Variants in ASAP3 observed in about 807,000 individuals in gnomAD.
ASAP3 encodes the protein arf-GAP with SH3 domain, ANK repeat and PH domain-containing protein 3.
A neutral mutation model predicts 118.2 loss-of-function variants in ASAP3; 85 were observed. That is an observed-to-expected ratio of 0.72 (90% confidence interval 0.60 to 0.86). The LOEUF is 0.86. ASAP3 is among the 40% of genes least tolerant of loss of function. The probability of loss-of-function intolerance (pLI) is 0.00; values close to 1 mark genes in which losing one functional copy is unlikely to be tolerated. For synonymous variants in ASAP3, 432 were observed against 477.4 expected, an observed-to-expected ratio of 0.90 and a Z score of 1.24; for missense variants, 1,026 against 1,175.0, an observed-to-expected ratio of 0.87 and a Z score of 1.85.
At chr1:23,435,496 G>A (rs769532610) in intron 17 of ASAP3, among the ~76,000 whole-genome samples, 5 of 152,216 alleles carry the variant, frequency 3.3e-5, no homozygotes, top group Non-Finnish European at 7.3e-5. Context: ...GGGCTATTTA[G>A]GTGAAAGAAA....
chr1:23,437,469 TTGTC>T lies in ASAP3; in HGVS notation c.1103-1_1105del. The T allele has an allele frequency of 1.2e-6, 2 of 1,614,056 alleles. No individual in the cohort carries two copies. ...CTCTGCCTGAAAGTGGTACGTCCGG[TTGTC>T]TGTCGGGAGAGAAGGGGGCTTCTGA... On this transcript the variant is annotated splice_acceptor_variant and coding_sequence_variant, in exon 13 of 25. Transcript: ENST00000336689. LOFTEE classifies it high-confidence loss of function. This position sits in a 1 kb window ranked among gnomAD's most constrained non-coding sequence, Gnocchi z 6.1.
chr1:23,467,387 C>T (rs989253471), intron 1 of ASAP3, among the ~76,000 whole-genome samples: 1 of 151,972 alleles, frequency 6.6e-6, no homozygotes, highest in African/African-American at 2.4e-5. Context: ...CATTATTAAT[C>T]GATCACAGTG....
intron 19 of ASAP3, among the ~76,000 whole-genome samples, 159 bp from the exon 20 acceptor site, chr1:23,433,852 C>G (rs1028338406): frequency 6.6e-6 from 1 of 152,124 alleles, no homozygotes; most frequent in African/African-American, 2.4e-5. Flanking sequence ...CCTTTTGGGA[C>G]AAAATTGTTT....
chr1:23,478,275 G>C, intron 1 of ASAP3, among the ~76,000 whole-genome samples: 1 of 152,142 alleles, frequency 6.6e-6, no homozygotes, highest in East Asian at 1.9e-4. Flanking sequence ...GACAAGCCTG[G>C]CCAACATGGC....
At position 23,436,174 on chromosome 1, in the gene ASAP3, C is replaced by G. The variant is rs1640646472; in HGVS notation, c.1572-146G>C. 3 of 882,592 alleles carry G rather than the reference C, an allele frequency of 3.4e-6. No individual in the cohort carries two copies. The South Asian group carries it at 5.2e-5, about 15-fold the overall frequency. 54.7% of individuals were successfully genotyped at this position (882,592 alleles called of 1,614,324 possible). On this transcript the variant is annotated intron_variant, in intron 16 of 24. Coordinates refer to ENST00000336689, the MANE Select transcript of ASAP3 (RefSeq NM_017707.4). The surrounding 1 kb of genome is among the most constrained non-coding windows in gnomAD (Gnocchi z 4.2). ...GATCTGAGGCTCCCCTCTCCCCAGG[C>G]TTTTTTTTTAGACAGTCTCACTCTA... is the stretch of plus-strand genomic sequence containing the variant.
At chr1:23,446,018 T>G (rs1295335919) in intron 5 of ASAP3, among the ~76,000 whole-genome samples, 1 of 151,520 alleles carries the variant, frequency 6.6e-6, no homozygotes. Flanking sequence ...TCTGTACATG[T>G]GATTGGCCCT....
chr1:23,455,756 T>G, intron 3 of ASAP3, 125 bp downstream of exon 3: 1 of 1,254,484 alleles, frequency 8.0e-7, no homozygotes, highest in Non-Finnish European at 1.1e-6. Context: ...GGACCTCAGG[T>G]CTGAACTCAG....
chr1:23,437,019 C>G lies in ASAP3; in HGVS notation c.1368G>C (p.Leu456=). 1 of 1,611,790 alleles carries G rather than the reference C, an allele frequency of 6.2e-7. No individual in the cohort carries two copies. The highest frequency in any genetic ancestry group is 8.5e-7 in the Non-Finnish European group (1 of 1,179,448). ...AGCACTGGATGCAGGTGAGCACGCCCAGGTTGGTGCTGAGCCACGTGGGGT... is the reference window on the plus strand; with the variant it reads ...AGCACTGGATGCAGGTGAGCACGCCGAGGTTGGTGCTGAGCCACGTGGGGT... ...AADPTWLSTN[L]GVLTCIQCSG... Residue 456 remains leucine (L), a synonymous_variant, in exon 15 of 25, where the codon CTG becomes CTC. Coordinates refer to ENST00000336689, the MANE Select transcript of ASAP3 (RefSeq NM_017707.4). This position sits in a 1 kb window ranked among gnomAD's most constrained non-coding sequence, Gnocchi z 6.1.
rs755069632 is a variant in ASAP3, at chr1:23,431,727, G to C, written c.2515C>G (p.Pro839Ala). The change falls in exon 23 of 25, where the codon CCT becomes GCT. Residue 839 changes from proline to alanine, a missense_variant. Pro to Ala is a conservative substitution (Grantham distance 27). Transcript: ENST00000336689. Reference sequence around the variant, plus strand: ...CTGACGGGGAGGTACATCTCCGAAGGGGTGGTCCCGGATGTCAGGCTGGGT... The same window carrying C: ...CTGACGGGGAGGTACATCTCCGAAGCGGTGGTCCCGGATGTCAGGCTGGGT... ...SRPSLTSGTTPSEMYLPVRFS... is the reference protein window; with the variant it reads ...SRPSLTSGTTASEMYLPVRFS... The C allele has an allele frequency of 3.9e-6, 6 of 1,522,144 alleles. No individual in the cohort carries two copies. Among genetic ancestry groups the C allele is most frequent in the Non-Finnish European group, 5.3e-6 (6 of 1,140,422 alleles). 94.3% of individuals were successfully genotyped at this position (1,522,144 alleles called of 1,614,324 possible).
upstream of ASAP3, chr1:23,484,224 C>A (rs906323594): frequency 1.1e-5 from 13 of 1,173,006 alleles, no homozygotes; most frequent in South Asian, 2.1e-4. Context: ...CCGGGGGCGC[C>A]GTCCCGGCCT....
At position 23,436,887 on chromosome 1, in the gene ASAP3, T is replaced by TAAC; in HGVS notation, c.1476+23_1476+24insGTT. ...CACCCCTAACTCCGCTTCTGGCCCC[T>TAAC]TCCAGGCCCCGCCCCGCCCTCACCA... On this transcript the variant is annotated intron_variant, in intron 15 of 24. Coordinates refer to ENST00000336689, the MANE Select transcript of ASAP3 (RefSeq NM_017707.4). The surrounding 1 kb of genome is among the most constrained non-coding windows in gnomAD (Gnocchi z 4.2). 6.3e-7 allele frequency: 1 copy of TAAC among 1,591,246 alleles called. No individual in the cohort carries two copies. Among genetic ancestry groups the TAAC allele is most frequent in the Admixed American group, 1.7e-5 (1 of 58,574 alleles).
Position 23,484,079 on chromosome 1 carries a change from T to A in ASAP3, c.55A>T (p.Ser19Cys). ...EFLAVTAEDL[S>C]SPAGAAAFAA... is the part of the protein sequence containing the mutation. ...AAGGCGGCGGCCCCAGCCGGGGAGC[T>A]GAGGTCCTCCGCGGTGACGGCCAGG... The change falls in exon 1 of 25, where the codon AGC becomes TGC. Residue 19 changes from serine to cysteine, a missense_variant. Coordinates refer to ENST00000336689, the MANE Select transcript of ASAP3 (RefSeq NM_017707.4). 7.4e-7 allele frequency: 1 copy of A among 1,350,572 alleles called. No homozygotes were observed. Among genetic ancestry groups the A allele is most frequent in the Non-Finnish European group, 9.5e-7 (1 of 1,052,874 alleles). The allele number at this position is 1,350,572 out of a possible 1,614,324, so 83.7% of individuals were successfully genotyped here.
At chr1:23,442,157 T>C (rs1322097626) in intron 7 of ASAP3, 29 bp downstream of exon 7, 1 of 1,574,848 alleles carries the variant, frequency 6.3e-7, no homozygotes, top group Non-Finnish European at 8.6e-7. Context: ...CTGGAAGGGT[T>C]AGTGGCAGGG....
intron 3 of ASAP3, 37 bp from the exon 4 acceptor site, chr1:23,452,808 G>A (rs1213339880): frequency 1.2e-6 from 2 of 1,600,842 alleles, no homozygotes; most frequent in Non-Finnish European, 1.7e-6. Flanking sequence ...CGCCTCAGGT[G>A]ACCGGCATCC....
rs771999248 is a variant in ASAP3 at position 23,455,993 on chromosome 1, G to A, written c.236C>T (p.Ala79Val). 3.1e-6 allele frequency: 5 copies of A among 1,614,124 alleles called. No individual in the cohort carries two copies. The East Asian group carries it at 6.7e-5, about 22-fold the overall frequency. Residue 79 changes from alanine (A) to valine (V), a missense_variant, in exon 3 of 25, where the codon GCC becomes GTC. Physicochemically the swap from Ala to Val is moderately conservative, Grantham distance 64. Transcript: ENST00000336689. ...HVENEEQYRE[A>V]VESLGNSHLS... The stretch of plus-strand genomic sequence containing the variant: ...GTGGCTGTTGCCTAAGGATTCCACG[G>A]CCTCTCGGTACTGCTCTTCATTCTC...
intron 1 of ASAP3, among the ~76,000 whole-genome samples, chr1:23,467,779 G>A (rs1641822675): frequency 6.6e-6 from 1 of 151,556 alleles, no homozygotes; most frequent in African/African-American, 2.4e-5. Flanking sequence ...GTGAAACTCC[G>A]TCTCTACTAA....
At position 23,436,761 on chromosome 1, in the gene ASAP3, G is replaced by T. The variant is rs536596252; in HGVS notation, c.1477-107C>A. 7.6e-7 allele frequency: 1 copy of T among 1,307,736 alleles called. No individual in the cohort carries two copies. The highest frequency in any genetic ancestry group is 1.1e-6 in the Non-Finnish European group (1 of 947,062). 81.0% of individuals were successfully genotyped at this position (1,307,736 alleles called of 1,614,324 possible). A position where few individuals can be genotyped will look rare whatever the true frequency, so the allele number is the denominator to read the frequency against. ...AGTCCCGCCCCTCGGCCGCCCTCCCGGTTCAGGCCCCGCCCCTGACCACCC... is the reference window on the plus strand; with the variant it reads ...AGTCCCGCCCCTCGGCCGCCCTCCCTGTTCAGGCCCCGCCCCTGACCACCC... On this transcript the variant is annotated intron_variant, in intron 15 of 24. Coordinates refer to ENST00000336689, the MANE Select transcript of ASAP3 (RefSeq NM_017707.4). This position sits in a 1 kb window ranked among gnomAD's most constrained non-coding sequence, Gnocchi z 4.2.
intron 1 of ASAP3, chr1:23,479,876 A>T (rs1642255056): frequency 6.6e-6 from 1 of 152,220 alleles, no homozygotes; most frequent in African/African-American, 2.4e-5. Flanking sequence ...TAAATTACTT[A>T]TTACAAATTA....
In ASAP3 at chr1:23,441,479, G is replaced by A. The variant is rs1640871589; in HGVS notation, c.748-6C>T. 1.2e-6 allele frequency: 2 copies of A among 1,613,906 alleles called. No individual in the cohort carries two copies. The highest frequency in any genetic ancestry group is 1.7e-6 in the Non-Finnish European group (2 of 1,179,992). On this transcript the variant is annotated splice_polypyrimidine_tract_variant and splice_region_variant and intron_variant, in intron 8 of 24. Coordinates refer to ENST00000336689, the MANE Select transcript of ASAP3 (RefSeq NM_017707.4). The stretch of plus-strand genomic sequence containing the variant: ...TCCTCCTGGGCCTGATGGAGCTATG[G>A]GACAGAGGATGGGATCCCATCACCA...
Sources: gnomAD v4.1 joint callset for allele counts (sites outside exome capture counted in the v4.1 genomes callset) on GRCh38, gnomAD v4.1.1 for gene constraint, Gnocchi (gnomAD v3.1) non-coding constraint, MANE v1.5 for transcripts, NCBI Gene and HGNC (gene_info 2026-07-23, HGNC 2026-07-21) for gene names.